Variants in CCDC30 observed in about 807,000 individuals in gnomAD.
CCDC30 encodes the protein coiled-coil domain-containing protein 30.
A neutral mutation model predicts 100.2 loss-of-function variants in CCDC30; 70 were observed. The observed-to-expected ratio is 0.70, with a 90% confidence interval of 0.58 to 0.85. CCDC30 has a LOEUF of 0.85. Ranked by LOEUF, CCDC30 falls within the 40% of genes least tolerant of loss-of-function variation. CCDC30 has a pLI of 0.00. For synonymous variants in CCDC30, 233 were observed against 269.5 expected (o/e 0.86, Z 1.33); for missense variants, 652 against 771.2 (o/e 0.85, Z 1.83).
chr1:42,653,024 T>G (rs1648486787), intron 15 of CCDC30, among the ~76,000 whole-genome samples: 1 of 152,194 alleles, frequency 6.6e-6, no homozygotes, highest in African/African-American at 2.4e-5. Context: ...AGGGAAAACT[T>G]TATAGTATGT....
intron 6 of CCDC30, chr1:42,521,273 C>G (rs996850389): frequency 5.8e-5 from 9 of 154,280 alleles, no homozygotes; most frequent in African/African-American, 2.2e-4. Context: ...GCCACCACAC[C>G]TGGCCAAGTA....
chr1:42,477,293 G>A (rs1269558102), intron 1 of CCDC30, among the ~76,000 whole-genome samples: 1 of 150,842 alleles, frequency 6.6e-6, no homozygotes, highest in Non-Finnish European at 1.5e-5. Context: ...GCAGTGGTGT[G>A]ATCTCGGCTC....
intron 8 of CCDC30, among the ~76,000 whole-genome samples, chr1:42,580,451 G>C (rs1260846762): frequency 6.6e-6 from 1 of 152,132 alleles, no homozygotes; most frequent in Non-Finnish European, 1.5e-5. Context: ...AAGATTCCTT[G>C]TTGGGTCAGA....
intron 6 of CCDC30, among the ~76,000 whole-genome samples, chr1:42,501,381 C>G (rs1279095711): frequency 6.6e-6 from 1 of 152,150 alleles, no homozygotes; most frequent in East Asian, 1.9e-4. Context: ...TGTGTTTATT[C>G]TTAGAACAAT....
chr1:42,527,263 A>G (rs1033652132), intron 6 of CCDC30, among the ~76,000 whole-genome samples: 22 of 152,222 alleles, frequency 1.4e-4, no homozygotes, highest in African/African-American at 4.8e-4. Context: ...TCCCACTGTG[A>G]CAATCTACTA....
At chr1:42,554,439 G>A (rs1368590615) in intron 6 of CCDC30, among the ~76,000 whole-genome samples, 1 of 151,838 alleles carries the variant, frequency 6.6e-6, no homozygotes, top group East Asian at 1.9e-4. Flanking sequence ...CACCACACCT[G>A]GCTAATTTTT....
chr1:42,581,231 A>T (rs1645959183), intron 8 of CCDC30, 129 bp from the exon 13 acceptor site: 2 of 692,116 alleles, frequency 2.9e-6, no homozygotes, highest in Admixed American at 5.2e-5. Flanking sequence ...AAATCTAGCT[A>T]CTCTTTTTAC....
intron 1 of CCDC30, among the ~76,000 whole-genome samples, chr1:42,474,783 G>T (rs534992290): frequency 6.6e-6 from 1 of 152,196 alleles, no homozygotes; most frequent in African/African-American, 2.4e-5. Context: ...AGTCCCATGT[G>T]GTTGTGGAGA....
In CCDC30 at chr1:42,500,417, CTCTT is replaced by C. The variant is rs565903586; in HGVS notation, c.456+1503_456+1506del. 2.0e-3 allele frequency: 1,834 copies of C among 912,034 alleles called. 21 individuals are homozygous for C. The African/African-American group carries it at 0.027, about 13-fold the overall frequency. The allele number at this position is 912,034 out of a possible 1,614,324, so 56.5% of individuals were successfully genotyped here. ...TGCGCAGTGGCCACCACCGAGTTCTCTCTTTTTTTTTTTTGAGACAGAGTCTCGC... is the reference window on the plus strand; with the variant it reads ...TGCGCAGTGGCCACCACCGAGTTCTCTTTTTTTTTTGAGACAGAGTCTCGC... On this transcript the variant is annotated intron_variant, in intron 6 of 16. Transcript: ENST00000668663.
At chr1:42,628,925 A>G (rs561040327) in intron 11 of CCDC30, among the ~76,000 whole-genome samples, 2 of 152,334 alleles carry the variant, frequency 1.3e-5, no homozygotes, top group South Asian at 4.1e-4. Flanking sequence ...CTAATACTCT[A>G]TACCCTAACT....
intron 6 of CCDC30, among the ~76,000 whole-genome samples, chr1:42,525,482 T>TTATTC (rs1644709925): frequency 6.6e-6 from 1 of 152,184 alleles, no homozygotes; most frequent in Admixed American, 6.5e-5. Flanking sequence ...ATTAGTTCTT[T>TTATTC]TTTGAATATC....
At chr1:42,611,162 G>A (rs1570243210) in intron 11 of CCDC30, 72 bp downstream of exon 15, 2 of 863,054 alleles carry the variant, frequency 2.3e-6, no homozygotes, top group Non-Finnish European at 3.8e-6. Flanking sequence ...AGGCTCTAGG[G>A]CTAAATGGTG....
intron 8 of CCDC30, among the ~76,000 whole-genome samples, chr1:42,579,099 T>C (rs1645906059): frequency 6.6e-6 from 1 of 152,052 alleles, no homozygotes; most frequent in South Asian, 2.1e-4. Context: ...CAAGCGATTC[T>C]CCTGCCTCAG....
At chr1:42,610,074 T>A (rs182880492) in intron 10 of CCDC30, among the ~76,000 whole-genome samples, 156 of 152,364 alleles carry the variant, frequency 1.0e-3, no homozygotes, top group African/African-American at 3.6e-3. Context: ...TTGGACATTT[T>A]CTTCTAAGCT....
intron 1 of CCDC30, among the ~76,000 whole-genome samples, chr1:42,466,068 A>G (rs1354334919): frequency 6.6e-6 from 1 of 152,234 alleles, no homozygotes; most frequent in Admixed American, 6.5e-5. Context: ...ACTGTGCATA[A>G]TATGTATTTT....
At chr1:42,539,986 T>C (rs1437760889) in intron 6 of CCDC30, among the ~76,000 whole-genome samples, 1 of 152,080 alleles carries the variant, frequency 6.6e-6, no homozygotes. Context: ...AATACTAGAC[T>C]GAAAGGTTGC....
rs370828747 is a variant in CCDC30 at position 42,622,636 on chromosome 1, C to CT, written c.1277+11556dup. ...CGTACTTATGCACCACCGCACCTGG[C>CT]TTTTTTTTTTCTTTGTATTTTTAGT... On this transcript the variant is annotated intron_variant, in intron 11 of 16. Transcript: ENST00000668663. Among the ~76,000 whole-genome samples, 44 of 148,802 alleles carry CT rather than the reference C, an allele frequency of 3.0e-4. 1 individual carries two copies. Among genetic ancestry groups the CT allele is most frequent in the East Asian group, 1.8e-3 (9 of 5,112 alleles).
At chr1:42,495,405 T>C (rs1321240447) in intron 4 of CCDC30, among the ~76,000 whole-genome samples, 1 of 151,990 alleles carries the variant, frequency 6.6e-6, no homozygotes, top group Non-Finnish European at 1.5e-5. Context: ...TACCTAATGC[T>C]AGATGCTGAG....
chr1:42,493,536 G>A (rs1440165512), intron 4 of CCDC30, among the ~76,000 whole-genome samples: 2 of 152,074 alleles, frequency 1.3e-5, no homozygotes, highest in African/African-American at 2.4e-5. Flanking sequence ...GCAGTGACCG[G>A]AGATTGTGCC....
Sources: gnomAD v4.1 joint callset for allele counts (sites outside exome capture counted in the v4.1 genomes callset) on GRCh38, gnomAD v4.1.1 for gene constraint, MANE v1.5 for transcripts, NCBI Gene and HGNC (gene_info 2026-07-23, HGNC 2026-07-21) for gene names.